COBLL1: variants seen among roughly 807,000 people sequenced by gnomAD.
The protein encoded by COBLL1 is cordon-bleu protein-like 1.
A neutral mutation model predicts 94.8 loss-of-function variants in COBLL1; 50 were observed. That is an observed-to-expected ratio of 0.53 (90% confidence interval 0.42 to 0.67). The LOEUF is 0.67. Ranked by LOEUF, COBLL1 falls within the 30% of genes least tolerant of loss-of-function variation. COBLL1 has a pLI of 0.00. For missense variants in COBLL1, 1,362 were observed against 1,348.7 expected, an observed-to-expected ratio of 1.01 and a Z score of -0.15; for synonymous variants, 448 against 473.8, an observed-to-expected ratio of 0.95 and a Z score of 0.71.
At chr2:164,828,473 A>G (rs948670297) in intron 2 of COBLL1, among the ~76,000 whole-genome samples, 1 of 152,184 alleles carries the variant, frequency 6.6e-6, no homozygotes, top group Non-Finnish European at 1.5e-5. Context: ...CAAAGATATA[A>G]TACATAGCTA....
At chr2:164,789,020 AAC>A (rs56773751) in intron 2 of COBLL1, among the ~76,000 whole-genome samples, 3,450 of 141,508 alleles carry the variant, frequency 0.024, 46 homozygotes, top group South Asian at 0.052. Context: ...TAGAGGTTTA[AAC>A]ACACACACAC....
In COBLL1 at chr2:164,841,566, C is replaced by G. The variant is rs568642372; in HGVS notation, c.-51+144G>C. 40 of 600,272 alleles carry G rather than the reference C, an allele frequency of 6.7e-5. No individual in the cohort carries two copies. The highest frequency in any genetic ancestry group is 6.4e-4 in the African/African-American group (33 of 51,168). The allele number at this position is 600,272 out of a possible 1,614,324, so 37.2% of individuals were successfully genotyped here. On this transcript the variant is annotated intron_variant, in intron 1 of 13. Coordinates refer to ENST00000652658, the MANE Select transcript of COBLL1 (RefSeq NM_001365672.2). The surrounding 1 kb of genome is among the most constrained non-coding windows in gnomAD (Gnocchi z 5.5). Reference sequence around the variant, plus strand: ...GCTGGAAAAGGAGGAGGAGCGGGGCCGGGCGCACGGGCACCGCTGCCACGC... The same window carrying G: ...GCTGGAAAAGGAGGAGGAGCGGGGCGGGGCGCACGGGCACCGCTGCCACGC...
intron 2 of COBLL1, among the ~76,000 whole-genome samples, chr2:164,801,198 G>C (rs1683764474): frequency 6.6e-6 from 1 of 151,934 alleles, no homozygotes; most frequent in African/African-American, 2.4e-5. Context: ...CCAGCACTTT[G>C]GGAGGCCGAG....
In COBLL1 at chr2:164,683,961, A is replaced by T. The variant is rs1344836323; in HGVS notation, c.*1985T>A. On this transcript the variant is annotated 3_prime_UTR_variant, in exon 14 of 14. Coordinates refer to ENST00000652658, the MANE Select transcript of COBLL1 (RefSeq NM_001365672.2). ...TATGCATGTGCATAAGTACTTATTTAAGGTAACATGGTAAGGAATCTTTAA... is the reference window on the plus strand; with the variant it reads ...TATGCATGTGCATAAGTACTTATTTTAGGTAACATGGTAAGGAATCTTTAA... 6.6e-6 allele frequency: 1 copy of T among 152,088 alleles called. No homozygotes were observed. The highest frequency in any genetic ancestry group is 1.5e-5 in the Non-Finnish European group (1 of 67,996). 9.4% of individuals were successfully genotyped at this position (152,088 alleles called of 1,614,324 possible).
rs1684222450 is a variant in COBLL1 at position 164,700,990 on chromosome 2, G to T, written c.1226-234C>A. Among the ~76,000 whole-genome samples, 2 of 152,172 alleles carry T rather than the reference G, an allele frequency of 1.3e-5. 1 individual carries two copies. The highest frequency in any genetic ancestry group is 6.8e-3 in the Middle Eastern group (2 of 294). ...GCTATCACTCTAGGTTTTATTCATG[G>T]TAGAGACAAGAGGTTATTTAATCTC... On this transcript the variant is annotated intron_variant, in intron 9 of 13. Coordinates refer to ENST00000652658, the MANE Select transcript of COBLL1 (RefSeq NM_001365672.2).
At position 164,695,537 on chromosome 2, in the gene COBLL1, C is replaced by T. The variant is rs1322186785; in HGVS notation, c.1855G>A (p.Asp619Asn). 3 of 1,613,802 alleles carry T rather than the reference C, an allele frequency of 1.9e-6. No homozygotes were observed. Among genetic ancestry groups the T allele is most frequent in the Non-Finnish European group, 2.5e-6 (3 of 1,179,920 alleles). ...SCNSFDGKHQ[D>N]HNLSDSKVEE... ...ACTTTGGAGTCAGATAAATTATGATCTTGGTGTTTCCCATCAAAACTGTTA... is the reference window on the plus strand; with the variant it reads ...ACTTTGGAGTCAGATAAATTATGATTTTGGTGTTTCCCATCAAAACTGTTA... Residue 619 changes from aspartate (D) to asparagine (N), a missense_variant, in exon 12 of 14, where the codon GAT (aspartate) becomes AAT (asparagine). Asp to Asn is a conservative substitution (Grantham distance 23). Coordinates refer to ENST00000652658, the MANE Select transcript of COBLL1 (RefSeq NM_001365672.2).
At position 164,816,752 on chromosome 2, in the gene COBLL1, G is replaced by T. The variant is rs774000930; in HGVS notation, c.41+24404C>A. Among the ~76,000 whole-genome samples the T allele has an allele frequency of 5.9e-5, 9 of 152,136 alleles. 1 individual carries two copies. Among genetic ancestry groups the T allele is most frequent in the Admixed American group, 1.3e-4 (2 of 15,282 alleles). The stretch of plus-strand genomic sequence containing the variant: ...AATAGTCAAAAGAACCCCAGGAGTT[G>T]CTAAGTAGAGGTTCATTATTAGTTA... On this transcript the variant is annotated intron_variant, in intron 2 of 13. Transcript: ENST00000652658.
intron 2 of COBLL1, among the ~76,000 whole-genome samples, chr2:164,818,707 CATATATAGTATATAT>C (rs1685001420): frequency 7.4e-6 from 1 of 135,770 alleles, no homozygotes; most frequent in Non-Finnish European, 1.6e-5. Flanking sequence ...CTTATGTAAA[CATATATAGTATATAT>C]ATATGTACTT....
chr2:164,675,670 GT>G (rs1396584995), downstream of COBLL1, among the ~76,000 whole-genome samples: 1 of 152,222 alleles, frequency 6.6e-6, no homozygotes, highest in Non-Finnish European at 1.5e-5. Context: ...TCTTTGGCAT[GT>G]GTATTAAATG....
intron 2 of COBLL1, among the ~76,000 whole-genome samples, chr2:164,805,337 C>CTATATATATATATATATA (rs71028444): frequency 2.1e-3 from 35 of 17,016 alleles, no homozygotes; most frequent in Admixed American, 3.9e-3. Context: ...CTCTCTCTCT[C>CTATATATATATATATATA]TATATATATA....
intron 2 of COBLL1, among the ~76,000 whole-genome samples, chr2:164,760,094 C>CGTA (rs1687607656): frequency 2.0e-5 from 3 of 152,188 alleles, no homozygotes; most frequent in Admixed American, 1.3e-4. Context: ...AAAACCTCTA[C>CGTA]ATGAATGTTT....
chr2:164,782,615 G>A (rs973634084), intron 2 of COBLL1, among the ~76,000 whole-genome samples: 13 of 152,090 alleles, frequency 8.5e-5, no homozygotes, highest in African/African-American at 3.1e-4. Flanking sequence ...GCACAACACT[G>A]TACATGTACT....
intron 2 of COBLL1, among the ~76,000 whole-genome samples, chr2:164,815,395 T>G (rs924282175): frequency 8.6e-5 from 10 of 115,910 alleles, no homozygotes; most frequent in African/African-American, 4.1e-4. Flanking sequence ...TGATATCCTA[T>G]CTCAAAAAAA....
intron 2 of COBLL1, among the ~76,000 whole-genome samples, chr2:164,818,663 A>C (rs1441527740): frequency 6.7e-6 from 1 of 149,362 alleles, no homozygotes; most frequent in African/African-American, 2.4e-5. Flanking sequence ...TATAGCGTAT[A>C]TGTACATATG....
chr2:164,773,655 G>T, intron 2 of COBLL1: 1 of 778,580 alleles, frequency 1.3e-6, no homozygotes, highest in Non-Finnish European at 1.9e-6. Context: ...TAAAGCAAAA[G>T]ATTAGGAAAG....
intron 13 of COBLL1, among the ~76,000 whole-genome samples, chr2:164,688,759 C>A (rs915306850): frequency 6.6e-6 from 1 of 152,066 alleles, no homozygotes; most frequent in Non-Finnish European, 1.5e-5. Flanking sequence ...TACAAGCCAG[C>A]AAGATTCTGT....
intron 11 of COBLL1, among the ~76,000 whole-genome samples, chr2:164,698,507 A>G (rs1014722026): frequency 1.3e-5 from 2 of 151,744 alleles, no homozygotes; most frequent in African/African-American, 4.8e-5. Context: ...GATTAACATA[A>G]TAGATTGGAC....
chr2:164,841,817 C>G lies in COBLL1; in HGVS notation c.-158G>C. ...TTGCCGCTCGGCTCTCAAGCCAGGA[C>G]TTGAATGGAGAAGCGGCAACCCCTG... On this transcript the variant is annotated 5_prime_UTR_variant, in exon 1 of 14. Coordinates refer to ENST00000652658, the MANE Select transcript of COBLL1 (RefSeq NM_001365672.2). The surrounding 1 kb of genome is among the most constrained non-coding windows in gnomAD (Gnocchi z 5.5). 2 of 632,238 alleles carry G rather than the reference C, an allele frequency of 3.2e-6. No homozygotes were observed. The highest frequency in any genetic ancestry group is 5.3e-6 in the Non-Finnish European group (2 of 379,506). The allele number at this position is 632,238 out of a possible 1,614,324, so 39.2% of individuals were successfully genotyped here.
chr2:164,827,357 G>A (rs1559054418), intron 2 of COBLL1, among the ~76,000 whole-genome samples: 2 of 152,072 alleles, frequency 1.3e-5, no homozygotes, highest in Admixed American at 6.5e-5. Context: ...TTTTTAAAAA[G>A]GACAAATGTG....
Sources: allele counts gnomAD v4.1 joint callset (sites outside exome capture counted in the v4.1 genomes callset), GRCh38; gene constraint gnomAD v4.1.1; non-coding constraint Gnocchi (gnomAD v3.1); transcripts MANE v1.5; gene names NCBI Gene and HGNC (gene_info 2026-07-23, HGNC 2026-07-21).